Variants in PKIB observed in about 807,000 individuals in gnomAD.
The protein encoded by PKIB is cAMP-dependent protein kinase inhibitor beta.
PKIB carries 2 observed loss-of-function variants against 4.5 expected under a neutral mutation model. The ratio of observed to expected loss-of-function variants is 0.44; its 90% CI spans 0.18 to 1.39. The LOEUF is 1.39. Ranked by LOEUF, PKIB falls within the 40% of genes most tolerant of loss-of-function variation. The pLI is 0.27. For missense variants in PKIB, 94 were observed against 92.6 expected (o/e 1.02, Z -0.06); for synonymous variants, 38 against 36.0 (o/e 1.06, Z -0.20).
intron 2 of PKIB, among the ~76,000 whole-genome samples, chr6:122,655,711 A>AT (rs1243607971): frequency 1.3e-5 from 2 of 152,184 alleles, no homozygotes; most frequent in Non-Finnish European, 2.9e-5. Flanking sequence ...TTATGGGAAA[A>AT]ATATATATTT....
intron 2 of PKIB, among the ~76,000 whole-genome samples, chr6:122,640,253 C>T (rs368576878): frequency 1.6e-3 from 250 of 152,202 alleles, no homozygotes; most frequent in African/African-American, 5.3e-3. Context: ...CACCCACTAA[C>T]GTAAAAAGAT....
At chr6:122,713,611 A>G (rs2115060737) in intron 3 of PKIB, among the ~76,000 whole-genome samples, 1 of 152,302 alleles carries the variant, frequency 6.6e-6, no homozygotes, top group South Asian at 2.1e-4. Context: ...TGGGGGAAGG[A>G]GAAGCTTTCA....
At chr6:122,662,373 T>G (rs771045415) in intron 2 of PKIB, among the ~76,000 whole-genome samples, 1 of 134,132 alleles carries the variant, frequency 7.5e-6, no homozygotes, top group East Asian at 2.5e-4. Flanking sequence ...TGGAGTGCAA[T>G]GGCACAATCT....
chr6:122,510,781 T>A (rs769294285), intron 2 of PKIB, among the ~76,000 whole-genome samples: 2 of 152,128 alleles, frequency 1.3e-5, no homozygotes, highest in African/African-American at 2.4e-5. Context: ...CCAGATAAGG[T>A]GCTGGGTCGG....
intron 2 of PKIB, among the ~76,000 whole-genome samples, chr6:122,572,565 G>A (rs1252239287): frequency 1.4e-5 from 2 of 142,130 alleles, no homozygotes; most frequent in African/African-American, 5.2e-5. Flanking sequence ...ACACCTCAAG[G>A]AAATAGAGAA....
chr6:122,543,685 A>C (rs9372704), intron 2 of PKIB, among the ~76,000 whole-genome samples: 20,668 of 151,946 alleles, frequency 0.14, 1,573 homozygotes, highest in East Asian at 0.26. Context: ...TGGCTAGAAT[A>C]ACTTTTTAGA....
At chr6:122,555,978 AAAG>A (rs1402850422) in intron 2 of PKIB, among the ~76,000 whole-genome samples, 19 of 152,316 alleles carry the variant, frequency 1.2e-4, no homozygotes, top group African/African-American at 4.3e-4. Context: ...CTATGCTTTT[AAAG>A]AAGAAGGATG....
intron 3 of PKIB, among the ~76,000 whole-genome samples, chr6:122,596,963 A>G (rs1334104533): frequency 1.6e-4 from 25 of 152,240 alleles, no homozygotes; most frequent in Non-Finnish European, 1.5e-5. Context: ...AAATCCAAAT[A>G]GACCCACCAG....
At chr6:122,511,506 T>C (rs1776584252) in intron 2 of PKIB, among the ~76,000 whole-genome samples, 1 of 152,196 alleles carries the variant, frequency 6.6e-6, no homozygotes, top group Non-Finnish European at 1.5e-5. Flanking sequence ...CTTGAGCGTT[T>C]CTTCACTGGA....
intron 3 of PKIB, among the ~76,000 whole-genome samples, chr6:122,687,847 T>C (rs1238210825): frequency 6.6e-6 from 1 of 152,178 alleles, no homozygotes; most frequent in Non-Finnish European, 1.5e-5. Context: ...TCTAATACTT[T>C]TTGGTGGAGT....
chr6:122,539,510 C>G (rs915183658), intron 2 of PKIB, among the ~76,000 whole-genome samples: 1 of 152,038 alleles, frequency 6.6e-6, no homozygotes, highest in African/African-American at 2.4e-5. Flanking sequence ...GTGGAACCAG[C>G]CTTGCATCCC....
At chr6:122,611,969 T>C (rs576215532) in intron 1 of PKIB, among the ~76,000 whole-genome samples, 12 of 152,194 alleles carry the variant, frequency 7.9e-5, no homozygotes, top group Non-Finnish European at 1.8e-4. Context: ...AGGAAATCTT[T>C]TGGAAAACGT....
At chr6:122,618,367 A>C (rs1052235796) in intron 1 of PKIB, among the ~76,000 whole-genome samples, 18 of 152,054 alleles carry the variant, frequency 1.2e-4, no homozygotes, top group Non-Finnish European at 1.3e-4. Context: ...TCAACCCTTT[A>C]TCATTACATA....
At chr6:122,707,476 C>G (rs1779108279) in intron 3 of PKIB, among the ~76,000 whole-genome samples, 1 of 151,990 alleles carries the variant, frequency 6.6e-6, no homozygotes, top group Non-Finnish European at 1.5e-5. Context: ...GAAAAAGACA[C>G]TACCGAAACT....
chr6:122,556,909 G>A (rs1772859687), intron 2 of PKIB, among the ~76,000 whole-genome samples: 1 of 152,172 alleles, frequency 6.6e-6, no homozygotes, highest in Non-Finnish European at 1.5e-5. Context: ...TCAAATGAAA[G>A]TAATATATAC....
intron 2 of PKIB, among the ~76,000 whole-genome samples, chr6:122,523,783 A>G (rs2114604859): frequency 6.6e-6 from 1 of 151,980 alleles, no homozygotes; most frequent in Admixed American, 6.6e-5. Flanking sequence ...ACTCGGTATC[A>G]AGAAAAAAAA....
chr6:122,643,458 G>A (rs948596971), intron 2 of PKIB: 1 of 152,100 alleles, frequency 6.6e-6, no homozygotes, highest in African/African-American at 2.4e-5. Flanking sequence ...TTGCCTGCTG[G>A]AAATAAAAAT....
At chr6:122,665,239 A>G (rs1015089238) in intron 2 of PKIB, among the ~76,000 whole-genome samples, 6 of 152,328 alleles carry the variant, frequency 3.9e-5, no homozygotes, top group South Asian at 2.1e-4. Context: ...ACCTTTGTCT[A>G]TTGTTGAGCA....
chr6:122,545,064 T>C (rs1477153058), intron 2 of PKIB, among the ~76,000 whole-genome samples: 1 of 152,116 alleles, frequency 6.6e-6, no homozygotes, highest in African/African-American at 2.4e-5. Context: ...GTCCAGCCAC[T>C]GTTGAAAACA....
Sources: gnomAD v4.1 joint callset for allele counts (sites outside exome capture counted in the v4.1 genomes callset) on GRCh38, gnomAD v4.1.1 for gene constraint, MANE v1.5 for transcripts, NCBI Gene and HGNC (gene_info 2026-07-23, HGNC 2026-07-21) for gene names.